Variants in GABBR2 observed in about 807,000 individuals in gnomAD.
GABBR2 encodes G-protein coupled receptor 51.
GABBR2 carries 23 observed loss-of-function variants against 105.6 expected under a neutral mutation model. The observed-to-expected ratio is 0.22, with a 90% confidence interval of 0.16 to 0.31. GABBR2 has a LOEUF of 0.31. Among genes scored for constraint, GABBR2 ranks in the 10% least tolerant of loss-of-function variants. The pLI, the probability that GABBR2 is intolerant of heterozygous loss-of-function variation, is 1.00. For missense variants in GABBR2, 734 were observed against 1,245.5 expected (o/e 0.59, Z 6.18); for synonymous variants, 478 against 499.7 (o/e 0.96, Z 0.58).
At chr9:98,463,843 C>T (rs1245801394) in intron 6 of GABBR2, among the ~76,000 whole-genome samples, 1 of 152,200 alleles carries the variant, frequency 6.6e-6, no homozygotes, top group Non-Finnish European at 1.5e-5. Context: ...GCTGTGTTGA[C>T]CGGGCTGGTG....
chr9:98,586,284 C>CTTTTTTTTTTTTTTTTTTTTT (rs569530376), intron 1 of GABBR2, among the ~76,000 whole-genome samples: 4 of 131,092 alleles, frequency 3.1e-5, no homozygotes, highest in Admixed American at 7.8e-5. Flanking sequence ...TCTTTTCTTT[C>CTTTTTTTTTTTTTTTTTTTTT]TTTTTTTTTT....
chr9:98,294,776 C>A (rs1327783791), intron 17 of GABBR2, among the ~76,000 whole-genome samples: 2 of 152,124 alleles, frequency 1.3e-5, no homozygotes, highest in Non-Finnish European at 2.9e-5. Flanking sequence ...CTGCGCCCAG[C>A]CACAACCTCA....
intron 7 of GABBR2, among the ~76,000 whole-genome samples, chr9:98,419,161 C>T (rs1173626132): frequency 6.6e-6 from 1 of 152,104 alleles, no homozygotes; most frequent in Non-Finnish European, 1.5e-5. Flanking sequence ...AGGCGCCAGG[C>T]AAGGGAGCTC....
chr9:98,448,358 G>A (rs1288567326), intron 7 of GABBR2, among the ~76,000 whole-genome samples: 1 of 152,162 alleles, frequency 6.6e-6, no homozygotes, highest in Non-Finnish European at 1.5e-5. Context: ...CAAACCCAGT[G>A]TACATGCCCT....
Position 98,480,260 on chromosome 9 carries a change from G to A in GABBR2, c.798+672C>T, listed in dbSNP as rs543145837. On this transcript the variant is annotated intron_variant, in intron 5 of 18. Coordinates refer to ENST00000259455, the MANE Select transcript of GABBR2 (RefSeq NM_005458.8). ...CAAAATGGAAACTGACTTAGTTCCT[G>A]TGTTCTGTCCCCTACATCTAACTTA... 4.6e-5 allele frequency among the ~76,000 whole-genome samples: 7 copies of A among 152,242 alleles called. No individual in the cohort carries two copies. The East Asian group carries it at 1.4e-3, about 30-fold the overall frequency.
intron 7 of GABBR2, among the ~76,000 whole-genome samples, chr9:98,413,974 T>C (rs1171717334): frequency 6.6e-6 from 1 of 152,144 alleles, no homozygotes; most frequent in South Asian, 2.1e-4. Context: ...CATGATGAAA[T>C]ATTAGGATAC....
intron 7 of GABBR2, among the ~76,000 whole-genome samples, chr9:98,422,066 CA>C (rs940562088): frequency 7.2e-5 from 11 of 152,114 alleles, no homozygotes; most frequent in African/African-American, 2.7e-4. Context: ...GGTCTAAAAT[CA>C]ACGTGGTCTT....
chr9:98,572,609 G>A (rs1351951892), intron 2 of GABBR2, among the ~76,000 whole-genome samples: 2 of 152,218 alleles, frequency 1.3e-5, no homozygotes, highest in East Asian at 1.9e-4. Flanking sequence ...CCCTGTGTTG[G>A]GGTTGGGGTG....
At chr9:98,704,548 C>T (rs337555) in intron 1 of GABBR2, among the ~76,000 whole-genome samples, 6,884 of 152,062 alleles carry the variant, frequency 0.045, 522 homozygotes, top group East Asian at 0.32. Context: ...TGGGGAAAAA[C>T]CCATGATACA....
intron 7 of GABBR2, among the ~76,000 whole-genome samples, chr9:98,443,049 A>G (rs1472284771): frequency 6.6e-6 from 1 of 152,182 alleles, no homozygotes; most frequent in African/African-American, 2.4e-5. Context: ...GCACAATTCA[A>G]TCCATAACAG....
chr9:98,509,436 T>C (rs1175015392), intron 3 of GABBR2, among the ~76,000 whole-genome samples: 4 of 151,624 alleles, frequency 2.6e-5, no homozygotes, highest in Admixed American at 6.6e-5. Flanking sequence ...CTTTGACGAG[T>C]TGAGAGAAGA....
intron 7 of GABBR2, among the ~76,000 whole-genome samples, chr9:98,438,573 G>A (rs974573840): frequency 5.9e-5 from 9 of 152,138 alleles, no homozygotes; most frequent in South Asian, 2.1e-4. Context: ...TCATGCAAGC[G>A]AATGAATTAA....
chr9:98,660,780 A>G (rs2131852885), intron 1 of GABBR2, among the ~76,000 whole-genome samples: 1 of 152,010 alleles, frequency 6.6e-6, no homozygotes, highest in East Asian at 1.9e-4. Flanking sequence ...TTCTTTCCTC[A>G]CTCAAACTTC....
chr9:98,646,609 T>A (rs556010538), intron 1 of GABBR2, among the ~76,000 whole-genome samples: 4 of 152,182 alleles, frequency 2.6e-5, no homozygotes, highest in Non-Finnish European at 5.9e-5. Flanking sequence ...CTCCAACGCA[T>A]CTTCAAAAGC....
chr9:98,619,449 T>C (rs1829638559), intron 1 of GABBR2, among the ~76,000 whole-genome samples: 1 of 152,230 alleles, frequency 6.6e-6, no homozygotes, highest in South Asian at 2.1e-4. Flanking sequence ...AGGTCTTGTC[T>C]AGCTCTAAAA....
chr9:98,529,652 C>T (rs10121704), intron 3 of GABBR2, among the ~76,000 whole-genome samples: 21,872 of 151,834 alleles, frequency 0.14, 2,415 homozygotes, highest in African/African-American at 0.31. Context: ...ATAAAAATAA[C>T]CACAAAAAAG....
intron 8 of GABBR2, among the ~76,000 whole-genome samples, chr9:98,397,712 C>A (rs1053938101): frequency 3.3e-5 from 5 of 152,192 alleles, no homozygotes. Context: ...CCAAACCCTA[C>A]CTGCCTCTTC....
intron 15 of GABBR2, chr9:98,304,054 G>A (rs1588089955): frequency 6.6e-6 from 1 of 152,420 alleles, no homozygotes. Flanking sequence ...AGCAGGCTCT[G>A]GGCTCAGCTC....
intron 7 of GABBR2, among the ~76,000 whole-genome samples, chr9:98,438,798 A>G (rs548311353): frequency 6.6e-6 from 1 of 152,326 alleles, no homozygotes; most frequent in East Asian, 1.9e-4. Context: ...CAAAAACCTC[A>G]TGCGTAAAAA....
Sources: allele counts gnomAD v4.1 joint callset (sites outside exome capture counted in the v4.1 genomes callset), GRCh38; gene constraint gnomAD v4.1.1; transcripts MANE v1.5; gene names NCBI Gene and HGNC (gene_info 2026-07-23, HGNC 2026-07-21).